The following COL5A3 variants were observed in gnomAD, a reference collection of about 807,000 sequenced individuals.
The protein encoded by COL5A3 is collagen alpha-3(V) chain.
COL5A3 carries 172 observed loss-of-function variants against 250.0 expected under a neutral mutation model. The observed-to-expected ratio is 0.69, with a 90% confidence interval of 0.61 to 0.78. The LOEUF is 0.78. Among genes scored for constraint, COL5A3 ranks in the 30% least tolerant of loss-of-function variants. The pLI is 0.00. For synonymous variants in COL5A3, 937 were observed against 900.4 expected, an observed-to-expected ratio of 1.04 and a Z score of -0.73; for missense variants, 2,340 against 2,334.4, an observed-to-expected ratio of 1.00 and a Z score of -0.05.
At chr19:9,998,238 A>ACACACAC in intron 8 of COL5A3, 89 bp from the exon 9 acceptor site, 1 of 1,127,586 alleles carries the variant, frequency 8.9e-7, no homozygotes, top group Non-Finnish European at 1.3e-6. Context: ...ACTTGCACAC[A>ACACACAC]CACACACACA....
At chr19:9,992,544 C>A (rs1377028831) in intron 21 of COL5A3, among the ~76,000 whole-genome samples, 2 of 152,040 alleles carry the variant, frequency 1.3e-5, no homozygotes, top group Admixed American at 1.3e-4. Flanking sequence ...AATCCCAGCA[C>A]TTTGGGAGGA....
Position 9,969,550 on chromosome 19 carries a change from C to T in COL5A3, c.4098+25G>A, listed in dbSNP as rs201765092. On this transcript the variant is annotated intron_variant, in intron 56 of 66. Coordinates refer to ENST00000264828, the MANE Select transcript of COL5A3 (RefSeq NM_015719.4). ...CAGAGAGGAGCTGGATCCACCCTGT[C>T]CCACCCCTGCCCCGCTCCACTCACC... 222 of 1,607,744 alleles carry T rather than the reference C, an allele frequency of 1.4e-4. No individual in the cohort carries two copies. The African/African-American group carries it at 2.7e-3, about 20-fold the overall frequency.
At chr19:9,987,897 T>C (rs2087121945) in intron 27 of COL5A3, among the ~76,000 whole-genome samples, 1 of 152,156 alleles carries the variant, frequency 6.6e-6, no homozygotes, top group African/African-American at 2.4e-5. Context: ...ATTATGCTGC[T>C]ATATTCCAGC....
Position 9,993,581 on chromosome 19 carries a change from G to T in COL5A3, c.1695+38C>A, listed in dbSNP as rs755334946. ...GTTGGGGGGGCTTGAATATTGGGAG[G>T]AGGGCTTAGACTTGGGGGAGGGACC... On this transcript the variant is annotated intron_variant, in intron 18 of 66. Transcript: ENST00000264828. 5 of 1,608,780 alleles carry T rather than the reference G, an allele frequency of 3.1e-6. No individual in the cohort carries two copies. In the South Asian group the frequency reaches 3.3e-5, roughly 11 times the overall value.
At chr19:9,992,947 A>G (rs2087215513) in intron 20 of COL5A3, 67 bp from the exon 21 acceptor site, 3 of 1,607,926 alleles carry the variant, frequency 1.9e-6, no homozygotes, top group Non-Finnish European at 2.6e-6. Flanking sequence ...TAGGGGTCCT[A>G]TGAGTCCTGG....
chr19:9,979,844 C>T lies in COL5A3; in HGVS notation c.2707G>A (p.Glu903Lys). ...GRPGHPGQRG[E>K]LGFQGQTGPP... ...AAGGTTGAGGGGTTACTCACCAGTT[C>T]TCCTCTCTGTCCAGGGTGCCCTGGT... Residue 903 changes from glutamate (E) to lysine (K), a missense_variant, in exon 37 of 67, where the codon GAA becomes AAA. Glu to Lys is a moderately conservative substitution (Grantham distance 56). This residue lies in a region of COL5A3 where 1,179 missense variants were observed against 1,162.6 expected (regional missense o/e 1.01). Transcript: ENST00000264828. The T allele has an allele frequency of 1.3e-6, 2 of 1,582,672 alleles. No homozygotes were observed. The highest frequency in any genetic ancestry group is 1.7e-6 in the Non-Finnish European group (2 of 1,170,720).
At chr19:9,964,854 T>TAAAAAAAA (rs57037583) in intron 64 of COL5A3, among the ~76,000 whole-genome samples, 3 of 49,010 alleles carry the variant, frequency 6.1e-5, no homozygotes, top group East Asian at 8.6e-4. Flanking sequence ...CCATCTCTAC[T>TAAAAAAAA]AAAAAAAAAA....
rs894519684 is a variant in COL5A3 at position 9,969,563 on chromosome 19, C to T, written c.4098+12G>A. The T allele has an allele frequency of 9.3e-6, 15 of 1,610,336 alleles. No individual in the cohort carries two copies. Among genetic ancestry groups the T allele is most frequent in the South Asian group, 4.4e-5 (4 of 90,896 alleles). On this transcript the variant is annotated intron_variant, in intron 56 of 66. Coordinates refer to ENST00000264828, the MANE Select transcript of COL5A3 (RefSeq NM_015719.4). ...GATCCACCCTGTCCCACCCCTGCCCCGCTCCACTCACCACAGGGCCAGGGA... is the reference window on the plus strand; with the variant it reads ...GATCCACCCTGTCCCACCCCTGCCCTGCTCCACTCACCACAGGGCCAGGGA...
Position 9,969,533 on chromosome 19 carries a change from A to G in COL5A3, c.4098+42T>C, listed in dbSNP as rs1312833619. The G allele has an allele frequency of 5.0e-6, 8 of 1,602,252 alleles. No homozygotes were observed. In the African/African-American group the frequency reaches 5.4e-5, roughly 11 times the overall value. ...CACAAGCTGGGAGCAGACAGAGAGG[A>G]GCTGGATCCACCCTGTCCCACCCCT... On this transcript the variant is annotated intron_variant, in intron 56 of 66. Transcript: ENST00000264828.
At position 10,003,579 on chromosome 19, in the gene COL5A3, A is replaced by G; in HGVS notation, c.835T>C (p.Ser279Pro). The change falls in exon 6 of 67, where the codon TCC (serine) becomes CCC (proline). Residue 279 changes from serine to proline, a missense_variant. Transcript: ENST00000264828. ...EIWTSSPPPD[S>P]AENQTSTDIP... ...AGGGCCCTTACCTGGTTCTCTGCGG[A>G]GTCAGGAGGTGGACTTGAGGTCCAA... is the stretch of plus-strand genomic sequence containing the variant. 1.2e-6 allele frequency: 2 copies of G among 1,614,156 alleles called. No individual in the cohort carries two copies. Among genetic ancestry groups the G allele is most frequent in the Non-Finnish European group, 8.5e-7 (1 of 1,180,022 alleles).
In COL5A3 at chr19:9,960,373, C is replaced by G. The variant is rs775752009; in HGVS notation, c.*38G>C. 2 of 1,612,740 alleles carry G rather than the reference C, an allele frequency of 1.2e-6. No homozygotes were observed. The highest frequency in any genetic ancestry group is 2.2e-5 in the South Asian group (2 of 91,010). On this transcript the variant is annotated 3_prime_UTR_variant, in exon 67 of 67. Coordinates refer to ENST00000264828, the MANE Select transcript of COL5A3 (RefSeq NM_015719.4). ...GCCTCAGCACCAAATGCACCCCATT[C>G]TGGGGCTCCCTCATGGTCCCTCCCA...
intron 27 of COL5A3, among the ~76,000 whole-genome samples, chr19:9,987,065 G>A (rs556664563): frequency 3.9e-5 from 6 of 152,244 alleles, no homozygotes; most frequent in East Asian, 1.9e-4. Context: ...TTCCAGGCCC[G>A]GACCTCATTT....
At chr19:9,978,663 C>G in intron 40 of COL5A3, 36 bp from the exon 41 acceptor site, 1 of 1,421,474 alleles carries the variant, frequency 7.0e-7, no homozygotes, top group Non-Finnish European at 9.5e-7. Flanking sequence ...AAGAGACTCC[C>G]AAAGGTGTCC....
intron 20 of COL5A3, 28 bp from the exon 21 acceptor site, chr19:9,992,908 A>G (rs1162925612): frequency 1.2e-6 from 2 of 1,612,772 alleles, no homozygotes; most frequent in Admixed American, 1.7e-5. Context: ...AATTATTTCC[A>G]CATCACCTCT....
At chr19:9,991,467 T>C in intron 24 of COL5A3, 143 bp downstream of exon 24, 2 of 660,194 alleles carry the variant, frequency 3.0e-6, no homozygotes, top group East Asian at 2.8e-5. Flanking sequence ...AAGGACACTT[T>C]GTATCTCCGG....
chr19:9,973,702 A>G, intron 49 of COL5A3, 54 bp downstream of exon 49: 8 of 1,612,666 alleles, frequency 5.0e-6, no homozygotes, highest in Non-Finnish European at 6.8e-6. Context: ...TCCCTGCCCA[A>G]TAGGACTAGA....
chr19:9,994,287 T>A (rs1438356184), intron 16 of COL5A3, among the ~76,000 whole-genome samples: 2 of 150,950 alleles, frequency 1.3e-5, no homozygotes, highest in Non-Finnish European at 3.0e-5. Context: ...CAAGCAATCC[T>A]CCCACCTCAG....
In COL5A3 at chr19:9,970,812, C is replaced by T. The variant is rs114101239; in HGVS notation, c.3883-137G>A. ...GGGTACTCCCACCTCCCACCTACTC[C>T]CTCAAGCTGCTCACATTCCTGGGGG... On this transcript the variant is annotated intron_variant, in intron 53 of 66. Transcript: ENST00000264828. 4,717 of 1,012,198 alleles carry T rather than the reference C, an allele frequency of 4.7e-3. 153 individuals carry two copies. The African/African-American group carries it at 0.073, about 16-fold the overall frequency. The allele number at this position is 1,012,198 out of a possible 1,614,324, so 62.7% of individuals were successfully genotyped here.
At chr19:9,995,641 A>G (rs181032279) in intron 15 of COL5A3, 24 bp from the exon 16 acceptor site, 2 of 1,542,482 alleles carry the variant, frequency 1.3e-6, no homozygotes, top group African/African-American at 2.8e-5. Flanking sequence ...AAAAGGAGGA[A>G]GGAAAGGAAA....
Sources: gnomAD v4.1 joint callset for allele counts (sites outside exome capture counted in the v4.1 genomes callset) on GRCh38, gnomAD v4.1.1 for gene constraint, gnomAD v4.1.1 regional missense constraint, MANE v1.5 for transcripts, NCBI Gene and HGNC (gene_info 2026-07-23, HGNC 2026-07-21) for gene names.